The following UBE2G1 variants were observed in gnomAD, a reference collection of about 807,000 sequenced individuals.
UBE2G1 encodes the protein ubiquitin-conjugating enzyme E2 G1.
In UBE2G1, 5 loss-of-function variants were observed where a neutral mutation model predicts 22.7. That is an observed-to-expected ratio of 0.22 (90% CI 0.12 to 0.46). The LOEUF (loss-of-function observed/expected upper bound fraction) is 0.46, where lower values mean the gene tolerates loss of function less well. Among genes scored for constraint, UBE2G1 ranks in the 20% least tolerant of loss-of-function variants. UBE2G1 has a pLI of 0.99. For synonymous variants in UBE2G1, 74 were observed against 67.5 expected, an observed-to-expected ratio of 1.10 and a Z score of -0.47; for missense variants, 88 against 203.9, an observed-to-expected ratio of 0.43 and a Z score of 3.46.
chr17:4,349,249 G>A (rs888874514), intron 1 of UBE2G1, among the ~76,000 whole-genome samples: 1 of 152,148 alleles, frequency 6.6e-6, no homozygotes, highest in Non-Finnish European at 1.5e-5. Flanking sequence ...GAACCCGGGA[G>A]GCAGAGGTTG....
intron 1 of UBE2G1, among the ~76,000 whole-genome samples, chr17:4,309,569 CAGAA>C (rs1437578990): frequency 7.9e-5 from 12 of 152,220 alleles, no homozygotes; most frequent in Admixed American, 7.9e-4. Flanking sequence ...TATTAAAAAA[CAGAA>C]AGTCCCACTT....
chr17:4,346,838 T>C (rs1469118764), intron 1 of UBE2G1, among the ~76,000 whole-genome samples: 1 of 152,010 alleles, frequency 6.6e-6, no homozygotes, highest in East Asian at 1.9e-4. Context: ...TGCCCAGTAT[T>C]GTGTTATGTG....
At position 4,302,154 on chromosome 17, in the gene UBE2G1, G is replaced by A. The variant is rs1003345203; in HGVS notation, c.149+4867C>T. The A allele has an allele frequency of 5.8e-6, 3 of 517,814 alleles. No homozygotes were observed. The African/African-American group carries it at 5.8e-5, about 10-fold the overall frequency. 32.1% of individuals were successfully genotyped at this position (517,814 alleles called of 1,614,324 possible). On this transcript the variant is annotated intron_variant, in intron 2 of 5. Transcript: ENST00000396981. ...TTGTGTTGCCATGTTCCCTTTTATTGGACTTGGGAAAGTTTTCTTTACAGA... is the reference window on the plus strand; with the variant it reads ...TTGTGTTGCCATGTTCCCTTTTATTAGACTTGGGAAAGTTTTCTTTACAGA...
intron 5 of UBE2G1, among the ~76,000 whole-genome samples, chr17:4,279,788 TATATA>T (rs1968863441): frequency 1.8e-5 from 2 of 113,236 alleles, no homozygotes; most frequent in African/African-American, 5.8e-5. Context: ...AAAAAAGTTA[TATATA>T]TATATATATA....
In UBE2G1 at chr17:4,299,312, T is replaced by C. The variant is rs764081103; in HGVS notation, c.150-2498A>G. ...TACTTGGGAGGCTGAGGTAGGAGAATTGTTGGAACCTGGGAGGTGGAGGGT... is the reference window on the plus strand; with the variant it reads ...TACTTGGGAGGCTGAGGTAGGAGAACTGTTGGAACCTGGGAGGTGGAGGGT... On this transcript the variant is annotated intron_variant, in intron 2 of 5. Transcript: ENST00000396981. 4.9e-4 allele frequency among the ~76,000 whole-genome samples: 74 copies of C among 152,198 alleles called. 1 individual carries two copies. The highest frequency in any genetic ancestry group is 3.4e-3 in the Middle Eastern group (1 of 294).
rs1020981231 is a variant in UBE2G1, at chr17:4,270,722, CACTT to C, written c.*1828_*1831del. On this transcript the variant is annotated 3_prime_UTR_variant, in exon 6 of 6. Transcript: ENST00000396981. ...AATGAATCAATTTCCAGTCACAACA[CACTT>C]ACGAGTTTCTATAAGGTTTGTGGGT... is the stretch of plus-strand genomic sequence containing the variant. 6.6e-6 allele frequency: 1 copy of C among 151,666 alleles called. No homozygotes were observed. Among genetic ancestry groups the C allele is most frequent in the Non-Finnish European group, 1.5e-5 (1 of 67,970 alleles). 9.4% of individuals were successfully genotyped at this position (151,666 alleles called of 1,614,324 possible). A position where few individuals can be genotyped will look rare whatever the true frequency, so the allele number is the denominator to read the frequency against.
At chr17:4,339,605 C>G (rs1251154799) in intron 1 of UBE2G1, among the ~76,000 whole-genome samples, 4 of 152,080 alleles carry the variant, frequency 2.6e-5, no homozygotes, top group African/African-American at 7.2e-5. Flanking sequence ...GCGCCTGGCT[C>G]AAGCTCTTAA....
intron 1 of UBE2G1, among the ~76,000 whole-genome samples, chr17:4,339,986 T>C (rs1969693156): frequency 6.6e-6 from 1 of 152,186 alleles, no homozygotes; most frequent in South Asian, 2.1e-4. Flanking sequence ...CGGGCTGGAG[T>C]GCAGTGGTGC....
chr17:4,296,424 A>G (rs1969112461), intron 3 of UBE2G1, among the ~76,000 whole-genome samples: 1 of 151,928 alleles, frequency 6.6e-6, no homozygotes, highest in South Asian at 2.1e-4. Context: ...CACCATGCCT[A>G]ACTAATTTTT....
chr17:4,272,335 T>G lies in UBE2G1; in HGVS notation c.*219A>C, dbSNP rs915089799. On this transcript the variant is annotated 3_prime_UTR_variant, in exon 6 of 6. Coordinates refer to ENST00000396981, the MANE Select transcript of UBE2G1 (RefSeq NM_003342.5). ...TCTTCCTGAAGGTTAAAACAGTTCATTAGAATTCAAAATGCGTAATCATCT... is the reference window on the plus strand; with the variant it reads ...TCTTCCTGAAGGTTAAAACAGTTCAGTAGAATTCAAAATGCGTAATCATCT... The G allele has an allele frequency of 3.4e-5, 6 of 174,810 alleles. No homozygotes were observed. The highest frequency in any genetic ancestry group is 1.2e-4 in the African/African-American group (5 of 41,554). 10.8% of individuals were successfully genotyped at this position (174,810 alleles called of 1,614,324 possible).
chr17:4,291,618 A>G (rs897582209), intron 3 of UBE2G1, among the ~76,000 whole-genome samples: 10 of 152,220 alleles, frequency 6.6e-5, no homozygotes, highest in African/African-American at 2.4e-4. Flanking sequence ...TAACCTTCTC[A>G]TGTCATTTTA....
intron 3 of UBE2G1, among the ~76,000 whole-genome samples, chr17:4,291,358 C>CAAAA (rs377584623): frequency 1.9e-4 from 23 of 118,002 alleles, no homozygotes; most frequent in Non-Finnish European, 2.0e-4. Context: ...AACTCCATCT[C>CAAAA]AAAAAAAAAA....
chr17:4,331,913 G>C (rs1457201767), intron 1 of UBE2G1: 1 of 152,144 alleles, frequency 6.6e-6, no homozygotes, highest in Non-Finnish European at 1.5e-5. Context: ...AGTCAACAGA[G>C]AATGTCTAAA....
At chr17:4,310,815 G>A (rs1307480986) in intron 1 of UBE2G1, among the ~76,000 whole-genome samples, 1 of 152,102 alleles carries the variant, frequency 6.6e-6, no homozygotes, top group African/African-American at 2.4e-5. Context: ...TGTACCTCGA[G>A]TATATAGTAG....
intron 4 of UBE2G1, 84 bp downstream of exon 4, chr17:4,289,146 T>C (rs1969005716): frequency 8.1e-7 from 1 of 1,237,152 alleles, no homozygotes; most frequent in Non-Finnish European, 1.1e-6. Flanking sequence ...CATACATTCA[T>C]GCATACTTAC....
chr17:4,336,458 T>C (rs537828264), intron 1 of UBE2G1, among the ~76,000 whole-genome samples: 4 of 152,172 alleles, frequency 2.6e-5, no homozygotes, highest in Admixed American at 1.3e-4. Flanking sequence ...TTTTTTATAA[T>C]GATCAAGATT....
rs1968765619 is a variant in UBE2G1 at position 4,271,981 on chromosome 17, G to C, written c.*573C>G. The stretch of plus-strand genomic sequence containing the variant: ...CATTTGAGAACATTCTGGCAGGTAA[G>C]AGATAAAAGCAAAGGGGAGTGTGTC... On this transcript the variant is annotated 3_prime_UTR_variant, in exon 6 of 6. Coordinates refer to ENST00000396981, the MANE Select transcript of UBE2G1 (RefSeq NM_003342.5). 6.6e-6 allele frequency: 1 copy of C among 152,640 alleles called. No homozygotes were observed. The highest frequency in any genetic ancestry group is 1.5e-5 in the Non-Finnish European group (1 of 68,046). 9.5% of individuals were successfully genotyped at this position (152,640 alleles called of 1,614,324 possible).
chr17:4,320,455 T>G (rs1969424817), intron 1 of UBE2G1, among the ~76,000 whole-genome samples: 1 of 152,212 alleles, frequency 6.6e-6, no homozygotes, highest in South Asian at 2.1e-4. Context: ...CATATGCAAC[T>G]TGCAACTTAA....
chr17:4,346,080 C>A (rs574928621), intron 1 of UBE2G1, among the ~76,000 whole-genome samples: 1 of 152,320 alleles, frequency 6.6e-6, no homozygotes, highest in African/African-American at 2.4e-5. Flanking sequence ...ACAACTTCCT[C>A]TTTATAAAAA....
Sources: gnomAD v4.1 joint callset for allele counts (sites outside exome capture counted in the v4.1 genomes callset) on GRCh38, gnomAD v4.1.1 for gene constraint, MANE v1.5 for transcripts, NCBI Gene and HGNC (gene_info 2026-07-23, HGNC 2026-07-21) for gene names.